The following POT1 variants were observed in gnomAD, a reference collection of about 807,000 sequenced individuals.
POT1 encodes the protein protection of telomeres protein 1.
A neutral mutation model predicts 78.5 loss-of-function variants in POT1; 47 were observed. The observed-to-expected ratio is 0.60, with a 90% CI of 0.47 to 0.76. The LOEUF is 0.76. POT1 is among the 30% of genes least tolerant of loss of function. The probability of loss-of-function intolerance (pLI) is 0.00; values close to 1 mark genes in which losing one functional copy is unlikely to be tolerated. For missense variants in POT1, 646 were observed against 749.9 expected, an observed-to-expected ratio of 0.86 and a Z score of 1.62; for synonymous variants, 259 against 260.7, an observed-to-expected ratio of 0.99 and a Z score of 0.06.
chr7:124,853,996 T>C (rs1795381028), intron 9 of POT1, among the ~76,000 whole-genome samples: 1 of 152,030 alleles, frequency 6.6e-6, no homozygotes. Context: ...TTTGTATAAA[T>C]ATAGCACTCC....
At chr7:124,834,647 G>A (rs1794847925) in intron 15 of POT1, among the ~76,000 whole-genome samples, 2 of 151,638 alleles carry the variant, frequency 1.3e-5, no homozygotes, top group South Asian at 4.1e-4. Context: ...CTGTTGGTGG[G>A]AGTGTAAATT....
At chr7:124,868,484 A>C (rs778118417) in intron 7 of POT1, among the ~76,000 whole-genome samples, 21 of 152,104 alleles carry the variant, frequency 1.4e-4, no homozygotes, top group Non-Finnish European at 2.4e-4. Flanking sequence ...CCTTTAAAAC[A>C]GTTTTCAATA....
intron 6 of POT1, among the ~76,000 whole-genome samples, chr7:124,879,184 G>A (rs1234918049): frequency 1.3e-5 from 2 of 152,130 alleles, no homozygotes; most frequent in African/African-American, 2.4e-5. Flanking sequence ...AATAATCCAG[G>A]AGGTGAACAA....
chr7:124,835,203 TC>T, intron 15 of POT1, 75 bp downstream of exon 15: 3 of 1,546,376 alleles, frequency 1.9e-6, no homozygotes, highest in East Asian at 4.6e-5. Flanking sequence ...GTAACAAACC[TC>T]CATGTTCAGC....
rs150979715 is a variant in POT1, at chr7:124,853,371, C to T, written c.703-233G>A. ...GCATATGCGTGTGTGCACACACATA[C>T]ATATACACACACATTCAACTGTAAG... On this transcript the variant is annotated intron_variant, in intron 9 of 18. Transcript: ENST00000357628. The T allele has an allele frequency of 2.8e-3, 951 of 335,122 alleles. 10 individuals are homozygous for T. The highest frequency in any genetic ancestry group is 0.017 in the African/African-American group (819 of 47,302). The allele number at this position is 335,122 out of a possible 1,614,324, so 20.8% of individuals were successfully genotyped here.
At chr7:124,890,681 CTTA>C in intron 6 of POT1, among the ~76,000 whole-genome samples, 1 of 151,850 alleles carries the variant, frequency 6.6e-6, no homozygotes, top group Non-Finnish European at 1.5e-5. Context: ...GAAGGCTCAA[CTTA>C]TCCTTAGCAT....
intron 9 of POT1, among the ~76,000 whole-genome samples, chr7:124,856,789 G>A (rs1408138348): frequency 6.6e-6 from 1 of 152,110 alleles, no homozygotes; most frequent in Non-Finnish European, 1.5e-5. Context: ...ATTTATGAAA[G>A]AACTCTATGA....
At chr7:124,830,222 T>G (rs1794726616) in intron 15 of POT1, among the ~76,000 whole-genome samples, 1 of 152,224 alleles carries the variant, frequency 6.6e-6, no homozygotes, top group Non-Finnish European at 1.5e-5. Context: ...GTAGTACAGT[T>G]ATTTTGCTTT....
At chr7:124,919,764 A>C (rs1288993405) in intron 2 of POT1, among the ~76,000 whole-genome samples, 6 of 152,154 alleles carry the variant, frequency 3.9e-5, no homozygotes, top group African/African-American at 1.4e-4. Flanking sequence ...TGTTTAAGCC[A>C]CCCAATCTGT....
At chr7:124,866,490 C>T (rs1325392865) in intron 7 of POT1, among the ~76,000 whole-genome samples, 6 of 152,176 alleles carry the variant, frequency 3.9e-5, no homozygotes, top group South Asian at 4.1e-4. Context: ...TAGTTCTACC[C>T]TGCTCTGTGC....
chr7:124,832,719 G>T (rs187029562), intron 15 of POT1, among the ~76,000 whole-genome samples: 2 of 151,978 alleles, frequency 1.3e-5, no homozygotes, highest in East Asian at 1.9e-4. Context: ...TCGGCGGGGG[G>T]GTTGAGACAG....
At chr7:124,900,597 C>G (rs148682123) in intron 3 of POT1, among the ~76,000 whole-genome samples, 1 of 151,928 alleles carries the variant, frequency 6.6e-6, no homozygotes, top group African/African-American at 2.4e-5. Flanking sequence ...ACGCAGAAGA[C>G]GGGTGATTTC....
chr7:124,890,729 T>C (rs1796350446), intron 6 of POT1, among the ~76,000 whole-genome samples: 1 of 151,926 alleles, frequency 6.6e-6, no homozygotes, highest in Non-Finnish European at 1.5e-5. Flanking sequence ...TCAAGGTGCA[T>C]ACATTTTTTA....
chr7:124,876,239 C>T (rs1383205350), intron 6 of POT1, among the ~76,000 whole-genome samples: 1 of 152,122 alleles, frequency 6.6e-6, no homozygotes, highest in Non-Finnish European at 1.5e-5. Flanking sequence ...AATGACTTTG[C>T]TATGTTTATA....
chr7:124,903,993 A>G (rs1199389572), intron 3 of POT1, among the ~76,000 whole-genome samples: 1 of 152,198 alleles, frequency 6.6e-6, no homozygotes, highest in Non-Finnish European at 1.5e-5. Context: ...GAATAGACCA[A>G]TAACAGGTAC....
At chr7:124,917,582 A>G (rs888022888) in intron 2 of POT1, among the ~76,000 whole-genome samples, 1 of 152,186 alleles carries the variant, frequency 6.6e-6, no homozygotes, top group African/African-American at 2.4e-5. Context: ...TTGAACAATA[A>G]CAACATATGA....
At chr7:124,849,524 C>T (rs1437140535) in intron 11 of POT1, among the ~76,000 whole-genome samples, 2 of 152,128 alleles carry the variant, frequency 1.3e-5, no homozygotes, top group African/African-American at 4.8e-5. Context: ...TATTCTCCTA[C>T]ACTGCTATTT....
At chr7:124,872,410 T>C (rs534090637) in intron 6 of POT1, among the ~76,000 whole-genome samples, 1 of 152,284 alleles carries the variant, frequency 6.6e-6, no homozygotes, top group African/African-American at 2.4e-5. Context: ...AAATATTTAA[T>C]GGAAAATTAC....
chr7:124,877,562 C>T (rs1436227048), intron 6 of POT1, among the ~76,000 whole-genome samples: 2 of 151,442 alleles, frequency 1.3e-5, no homozygotes, highest in East Asian at 1.9e-4. Flanking sequence ...ATCAACCGGT[C>T]GTGGGGGCTC....
Sources: gnomAD v4.1 joint callset for allele counts (sites outside exome capture counted in the v4.1 genomes callset) on GRCh38, gnomAD v4.1.1 for gene constraint, MANE v1.5 for transcripts, NCBI Gene and HGNC (gene_info 2026-07-23, HGNC 2026-07-21) for gene names.